The following NOTUM variants were observed in gnomAD, a reference collection of about 807,000 sequenced individuals.
The protein encoded by NOTUM is notum, palmitoleoyl-protein carboxylesterase, also known as palmitoleoyl-protein carboxylesterase NOTUM.
A neutral mutation model predicts 65.5 loss-of-function variants in NOTUM; 36 were observed. The ratio of observed to expected loss-of-function variants is 0.55; its 90% confidence interval spans 0.42 to 0.73. The LOEUF (loss-of-function observed/expected upper bound fraction) is 0.73. NOTUM is among the 30% of genes least tolerant of loss of function. The pLI, the probability that NOTUM is intolerant of heterozygous loss-of-function variation, is 0.00. For synonymous variants in NOTUM, 356 were observed against 297.9 expected (o/e 1.20, Z -2.01); for missense variants, 659 against 694.2 (o/e 0.95, Z 0.57).
intron 8 of NOTUM, 81 bp downstream of exon 8, chr17:81,956,567 CTG>C (rs2041434661): frequency 2.1e-6 from 2 of 956,262 alleles, no homozygotes; most frequent in South Asian, 2.8e-5. Context: ...GCCCAGAAGA[CTG>C]GAGTCCACGC....
chr17:81,959,148 G>C, intron 3 of NOTUM, 153 bp from the exon 4 acceptor site: 1 of 684,562 alleles, frequency 1.5e-6, no homozygotes, highest in East Asian at 2.7e-5. Context: ...CGGGAAAGTG[G>C]AGGACAGTTG....
At chr17:81,957,988 A>T (rs1384761160) in intron 5 of NOTUM, 80 bp from the exon 6 acceptor site, 3 of 1,023,670 alleles carry the variant, frequency 2.9e-6, no homozygotes, top group Non-Finnish European at 3.0e-6. Flanking sequence ...CTGGCAGAGA[A>T]GTTCTTGCCC....
rs574751125 is a variant in NOTUM at position 81,960,273 on chromosome 17, C to T, written c.323+314G>A. ...GGCCTCTCCCCGCCCCCCGGTGTCG[C>T]CGGTTCCCGCTGGAGCCAGGCGCGC... On this transcript the variant is annotated intron_variant, in intron 1 of 10. Transcript: ENST00000409678. The surrounding 1 kb of genome is among the most constrained non-coding windows in gnomAD (Gnocchi z 6.4). 6.6e-6 allele frequency among the ~76,000 whole-genome samples: 1 copy of T among 152,178 alleles called. No homozygotes were observed. Among genetic ancestry groups the T allele is most frequent in the Non-Finnish European group, 1.5e-5 (1 of 68,020 alleles).
Position 81,959,018 on chromosome 17 carries a change from T to A in NOTUM, c.473-23A>T, listed in dbSNP as rs759569563. On this transcript the variant is annotated intron_variant, in intron 3 of 10. Coordinates refer to ENST00000409678, the MANE Select transcript of NOTUM (RefSeq NM_178493.6). ...TGCCTGGGGACACAGAGGCGGTGGG[T>A]CTTTCTAGCGGGAGGAGGCTGTGTA... The A allele has an allele frequency of 3.7e-6, 6 of 1,608,432 alleles. No homozygotes were observed. In the East Asian group the frequency reaches 1.3e-4, roughly 36 times the overall value.
At position 81,952,930 on chromosome 17, in the gene NOTUM, T is replaced by C; in HGVS notation, c.*31A>G. The C allele has an allele frequency of 6.3e-7, 1 of 1,599,890 alleles. No homozygotes were observed. The highest frequency in any genetic ancestry group is 8.6e-7 in the Non-Finnish European group (1 of 1,169,156). Reference sequence around the variant, plus strand: ...CTGGGGCAGCGGGTGTCTGGGCCCCTCAGTGCCGGCTCCTCCTCCAGACAG... The same window carrying C: ...CTGGGGCAGCGGGTGTCTGGGCCCCCCAGTGCCGGCTCCTCCTCCAGACAG... On this transcript the variant is annotated 3_prime_UTR_variant, in exon 11 of 11. Transcript: ENST00000409678.
Position 81,957,786 on chromosome 17 carries a change from C to T in NOTUM, c.695+20G>A. The T allele has an allele frequency of 1.3e-6, 2 of 1,561,362 alleles. No homozygotes were observed. The highest frequency in any genetic ancestry group is 1.7e-6 in the Non-Finnish European group (2 of 1,147,464). On this transcript the variant is annotated intron_variant, in intron 6 of 10. Coordinates refer to ENST00000409678, the MANE Select transcript of NOTUM (RefSeq NM_178493.6). ...CACCGTCCTCACCCCTCACCTCCAGCCCTGCCCCGCCCTGCCCACCTGCTC... is the reference window on the plus strand; with the variant it reads ...CACCGTCCTCACCCCTCACCTCCAGTCCTGCCCCGCCCTGCCCACCTGCTC...
At chr17:81,958,491 G>A in intron 4 of NOTUM, 98 bp from the exon 5 acceptor site, 5 of 804,938 alleles carry the variant, frequency 6.2e-6, no homozygotes, top group South Asian at 5.6e-5. Flanking sequence ...GACCATCCCA[G>A]GACAGGATTC....
chr17:81,957,209 T>C lies in NOTUM; in HGVS notation c.696-135A>G, dbSNP rs539561720. ...TTCTGAACTGCGGATGCATTCTGCA[T>C]TCTCTGTTCACGTGCAAGACCCATG... On this transcript the variant is annotated intron_variant, in intron 6 of 10. Transcript: ENST00000409678. The C allele has an allele frequency of 1.1e-5, 8 of 714,282 alleles. No individual in the cohort carries two copies. In the Admixed American group the frequency reaches 2.0e-4, roughly 18 times the overall value. 44.2% of individuals were successfully genotyped at this position (714,282 alleles called of 1,614,324 possible). A position where few individuals can be genotyped will look rare whatever the true frequency, so the allele number is the denominator to read the frequency against.
Position 81,959,645 on chromosome 17 carries a change from A to G in NOTUM, c.371T>C (p.Leu124Pro). Residue 124 changes from leucine (L) to proline (P), a missense_variant, in exon 2 of 11, where the codon CTG (leucine) becomes CCG (proline). Coordinates refer to ENST00000409678, the MANE Select transcript of NOTUM (RefSeq NM_178493.6). Reference protein sequence around the residue: ...SRGSRRWLLFLEGGWYCFNRE... With the variant: ...SRGSRRWLLFPEGGWYCFNRE... ...CGCCTCAGCCCTGGACGCACCTTCC[A>G]GGAAGAGGAGCCACCGCCGGCTGCC... 1 of 1,544,054 alleles carries G rather than the reference A, an allele frequency of 6.5e-7. No individual in the cohort carries two copies. Among genetic ancestry groups the G allele is most frequent in the Non-Finnish European group, 8.7e-7 (1 of 1,145,090 alleles).
intron 3 of NOTUM, 150 bp from the exon 4 acceptor site, chr17:81,959,145 G>A: frequency 1.4e-6 from 1 of 692,468 alleles, no homozygotes; most frequent in Non-Finnish European, 2.5e-6. Context: ...TGCCGGGAAA[G>A]TGGAGGACAG....
Position 81,955,491 on chromosome 17 carries a change from T to C in NOTUM, c.1042A>G (p.Asn348Asp), listed in dbSNP as rs762586284. 2.5e-6 allele frequency: 4 copies of C among 1,610,826 alleles called. No individual in the cohort carries two copies. The highest frequency in any genetic ancestry group is 1.3e-5 in the African/African-American group (1 of 74,828). ...LFDEAQLTVD[N>D]VHLTGQPVQE... is the part of the protein sequence containing the mutation. ...ACCGGCTGCCCCGTCAGGTGCACGT[T>C]GTCCACCGTCAGCTGTGCCTCGTCA... Residue 348 changes from asparagine to aspartate, a missense_variant, in exon 9 of 11, where the codon AAC becomes GAC. Physicochemically the swap from Asn to Asp is conservative, Grantham distance 23 (BLOSUM62 1). Transcript: ENST00000409678.
At position 81,952,825 on chromosome 17, in the gene NOTUM, G is replaced by A. The variant is rs2041397080; in HGVS notation, c.*136C>T. ...GGGAAAGCCGGGGCAGGAGGGCAGT[G>A]GGCAGACCCAGACAGGGGGGACGGC... On this transcript the variant is annotated 3_prime_UTR_variant, in exon 11 of 11. Coordinates refer to ENST00000409678, the MANE Select transcript of NOTUM (RefSeq NM_178493.6). The A allele has an allele frequency of 1.3e-6, 1 of 759,172 alleles. No homozygotes were observed. The highest frequency in any genetic ancestry group is 2.2e-6 in the Non-Finnish European group (1 of 455,554). The allele number at this position is 759,172 out of a possible 1,614,324, so 47.0% of individuals were successfully genotyped here.
chr17:81,959,173 C>T (rs1383393570), intron 3 of NOTUM, 178 bp from the exon 4 acceptor site: 2 of 636,006 alleles, frequency 3.1e-6, no homozygotes, highest in East Asian at 2.7e-5. Context: ...TAGTTACCCC[C>T]GGGAAGCCAC....
At position 81,952,769 on chromosome 17, in the gene NOTUM, T is replaced by C. The variant is rs1395666219; in HGVS notation, c.*192A>G. 2 of 603,526 alleles carry C rather than the reference T, an allele frequency of 3.3e-6. No individual in the cohort carries two copies. The highest frequency in any genetic ancestry group is 5.9e-6 in the Non-Finnish European group (2 of 338,970). 37.4% of individuals were successfully genotyped at this position (603,526 alleles called of 1,614,324 possible). A position where few individuals can be genotyped will look rare whatever the true frequency, so the allele number is the denominator to read the frequency against. ...ACAGATGGGGATGACAGCAGGTCCC[T>C]TGTCTCTGGCTGGGCTGTGGGAGAG... is the stretch of plus-strand genomic sequence containing the variant. On this transcript the variant is annotated 3_prime_UTR_variant, in exon 11 of 11. Transcript: ENST00000409678.
chr17:81,952,970 G>T lies in NOTUM; in HGVS notation c.1482C>A (p.Asn494Lys). Reference sequence around the variant, plus strand: ...CCTCCAGACAGTCTGCCTAGCTTCCGTTGCTCAGCATCCCCAGCAGCTCAC... The same window carrying T: ...CCTCCAGACAGTCTGCCTAGCTTCCTTTGCTCAGCATCCCCAGCAGCTCAC... ...EPSELLGMLS[N>K]GS is the part of the protein sequence containing the mutation. The change falls in exon 11 of 11, where the codon AAC becomes AAA. Residue 494 changes from asparagine (N) to lysine (K), a missense_variant. Coordinates refer to ENST00000409678, the MANE Select transcript of NOTUM (RefSeq NM_178493.6). 6.2e-7 allele frequency: 1 copy of T among 1,613,758 alleles called. No homozygotes were observed. The highest frequency in any genetic ancestry group is 8.5e-7 in the Non-Finnish European group (1 of 1,179,932).
chr17:81,952,872 C>T lies in NOTUM; in HGVS notation c.*89G>A, dbSNP rs1051337615. 1.9e-5 allele frequency: 23 copies of T among 1,201,312 alleles called. 1 individual carries two copies. The highest frequency in any genetic ancestry group is 1.1e-4 in the South Asian group (8 of 75,112). The allele number at this position is 1,201,312 out of a possible 1,614,324, so 74.4% of individuals were successfully genotyped here. ...CGGCTGGGGCCCTGTCCCGAAGAGA[C>T]GGGAGGGCCTGCTGGTGGGGGGTGA... is the stretch of plus-strand genomic sequence containing the variant. On this transcript the variant is annotated 3_prime_UTR_variant, in exon 11 of 11. Transcript: ENST00000409678.
In NOTUM at chr17:81,952,792, GAGGGGC is replaced by G. The variant is rs1404110345; in HGVS notation, c.*163_*168del. The G allele has an allele frequency of 1.6e-6, 1 of 629,568 alleles. No individual in the cohort carries two copies. Among genetic ancestry groups the G allele is most frequent in the East Asian group, 2.7e-5 (1 of 37,646 alleles). 39.0% of individuals were successfully genotyped at this position (629,568 alleles called of 1,614,324 possible). A position where few individuals can be genotyped will look rare whatever the true frequency, so the allele number is the denominator to read the frequency against. On this transcript the variant is annotated 3_prime_UTR_variant, in exon 11 of 11. Coordinates refer to ENST00000409678, the MANE Select transcript of NOTUM (RefSeq NM_178493.6). Reference sequence around the variant, plus strand: ...CCTTGTCTCTGGCTGGGCTGTGGGAGAGGGGCAGGGAAAGCCGGGGCAGGAGGGCAG... The same window carrying G: ...CCTTGTCTCTGGCTGGGCTGTGGGAGAGGGAAAGCCGGGGCAGGAGGGCAG...
Position 81,959,532 on chromosome 17 carries a change from G to A in NOTUM, c.411C>T (p.Asp137=), listed in dbSNP as rs927534484. ...GWYCFNRENC[D]SRYDTMRRLM... ...GGCGCCGCATGGTGTCGTATCTGGA[G>A]TCGCAGTTCTCGCGGTTGAAGCAGT... is the stretch of plus-strand genomic sequence containing the variant. Residue 137 remains aspartate, a synonymous_variant, in exon 3 of 11, where the codon GAC becomes GAT. Transcript: ENST00000409678. 2.6e-6 allele frequency: 4 copies of A among 1,549,146 alleles called. No individual in the cohort carries two copies. The African/African-American group carries it at 4.1e-5, about 16-fold the overall frequency.
At chr17:81,957,474 C>T (rs554877541) in intron 6 of NOTUM, among the ~76,000 whole-genome samples, 3 of 152,122 alleles carry the variant, frequency 2.0e-5, no homozygotes, top group African/African-American at 4.8e-5. Context: ...ATCTACCGGG[C>T]CCTGGAGAAG....
Sources: gnomAD v4.1 joint callset for allele counts (sites outside exome capture counted in the v4.1 genomes callset) on GRCh38, gnomAD v4.1.1 for gene constraint, Gnocchi (gnomAD v3.1) non-coding constraint, MANE v1.5 for transcripts, NCBI Gene and HGNC (gene_info 2026-07-23, HGNC 2026-07-21) for gene names.